Variants in RGPD1 observed in about 807,000 individuals in gnomAD.
RGPD1 encodes the protein RANBP2-like and GRIP domain-containing protein 1.
RGPD1 carries 7 observed loss-of-function variants against 40.6 expected under a neutral mutation model. The observed-to-expected ratio is 0.17, with a 90% confidence interval of 0.10 to 0.32. The LOEUF (loss-of-function observed/expected upper bound fraction) is 0.32, where lower values mean the gene tolerates loss of function less well. Ranked by LOEUF, RGPD1 falls within the 10% of genes least tolerant of loss-of-function variation. The pLI is 1.00. For synonymous variants in RGPD1, 24 were observed against 167.0 expected (o/e 0.14, Z 6.60); for missense variants, 50 against 472.5 (o/e 0.11, Z 8.29).
intron 1 of RGPD1, among the ~76,000 whole-genome samples, chr2:86,923,033 C>CTTT (rs1196456916): frequency 6.4e-4 from 35 of 54,486 alleles, no homozygotes; most frequent in East Asian, 9.7e-4. Flanking sequence ...TGGTATATTC[C>CTTT]TTTTTTTTTT....
At chr2:86,923,033 CTTTTTT>C (rs1196456916) in intron 1 of RGPD1, among the ~76,000 whole-genome samples, 4 of 54,500 alleles carry the variant, frequency 7.3e-5, no homozygotes, top group Admixed American at 2.2e-4. Context: ...TGGTATATTC[CTTTTTT>C]TTTTTTTTTT....
intron 1 of RGPD1, among the ~76,000 whole-genome samples, chr2:86,945,260 A>T (rs1680262446): frequency 6.6e-6 from 1 of 152,202 alleles, no homozygotes; most frequent in Non-Finnish European, 1.5e-5. Context: ...CCCAAATTTA[A>T]AGTCATTTAC....
rs1677712260 is a variant in RGPD1, at chr2:86,914,888, TCGACCTGGCCGGGCGGCGGCGGAG to T, written c.72+968_72+991del. 1.1e-4 allele frequency among the ~76,000 whole-genome samples: 2 copies of T among 18,038 alleles called. 1 individual carries two copies. Among genetic ancestry groups the T allele is most frequent in the African/African-American group, 5.0e-4 (2 of 4,038 alleles). The allele number at this position is 18,038 out of a possible 152,430, so 11.8% of individuals were successfully genotyped here. On this transcript the variant is annotated intron_variant, in intron 1 of 22. Coordinates refer to the RGPD1 transcript ENST00000398193. ...GGCGGCGGCGGCGGCGGCGGCGGCC[TCGACCTGGCCGGGCGGCGGCGGAG>T]GCGGCGGCCTCGACCTGGCCGGGCG...
intron 1 of RGPD1, among the ~76,000 whole-genome samples, chr2:86,928,754 A>G (rs1678689032): frequency 6.6e-6 from 1 of 152,196 alleles, no homozygotes; most frequent in African/African-American, 2.4e-5. Context: ...TTCATGAGGT[A>G]TTTCTTAGCA....
At chr2:86,942,737 C>G (rs1679971292) in intron 1 of RGPD1, among the ~76,000 whole-genome samples, 1 of 150,474 alleles carries the variant, frequency 6.6e-6, no homozygotes, top group Non-Finnish European at 1.5e-5. Context: ...GCTCAGGCGT[C>G]ATGGCTCCTG....
upstream of RGPD1, among the ~76,000 whole-genome samples, chr2:86,939,304 G>A (rs1441904700): frequency 1.4e-5 from 2 of 146,608 alleles, no homozygotes; most frequent in African/African-American, 2.6e-5. Context: ...TGCTGGGCAC[G>A]GTGGATGCCG....
chr2:86,914,222 G>A, intron 1 of RGPD1, among the ~76,000 whole-genome samples: 1 of 105,322 alleles, frequency 9.5e-6, no homozygotes, highest in Admixed American at 8.9e-5. Context: ...GGCGGCGGCG[G>A]CCTCGGCCTG....
At chr2:86,941,702 G>A (rs529975715), upstream of RGPD1, among the ~76,000 whole-genome samples, 1 of 148,848 alleles carries the variant, frequency 6.7e-6, no homozygotes, top group South Asian at 2.1e-4. Context: ...ACTGACTGCG[G>A]GATTTGAGAA....
At chr2:86,914,949 G>C (rs1224661366) in intron 1 of RGPD1, among the ~76,000 whole-genome samples, 35 of 141,744 alleles carry the variant, frequency 2.5e-4, no homozygotes, top group African/African-American at 8.7e-4. Flanking sequence ...CGGCGGCGGC[G>C]GCGGCCTGGC....
chr2:86,941,319 C>G (rs1291331614), upstream of RGPD1, among the ~76,000 whole-genome samples: 3 of 148,706 alleles, frequency 2.0e-5, no homozygotes, highest in East Asian at 2.0e-4. Flanking sequence ...TACATTATTA[C>G]TGTTAAATTT....
chr2:86,944,005 C>T (rs1022744292), intron 1 of RGPD1, among the ~76,000 whole-genome samples: 1 of 150,900 alleles, frequency 6.6e-6, no homozygotes, highest in Admixed American at 6.6e-5. Flanking sequence ...CAGAGGGAGA[C>T]TCCAAAAAAA....
chr2:86,918,454 T>C (rs1456933708), intron 1 of RGPD1, among the ~76,000 whole-genome samples: 562 of 38,180 alleles, frequency 0.015, 4 homozygotes, highest in African/African-American at 0.044. Flanking sequence ...ACACCAAATC[T>C]TTTTTTTTTT....
chr2:87,007,190 T>TTG (rs1682079859), intron 22 of RGPD1, among the ~76,000 whole-genome samples: 2 of 70,228 alleles, frequency 2.8e-5, no homozygotes, highest in Admixed American at 1.7e-4. Flanking sequence ...TTAATTTGTT[T>TTG]TTGTTGTTGT....
chr2:86,926,102 TATATA>T, intron 1 of RGPD1, among the ~76,000 whole-genome samples: 1 of 152,304 alleles, frequency 6.6e-6, no homozygotes, highest in East Asian at 1.9e-4. Flanking sequence ...TCTTTAGAAA[TATATA>T]ATAGACATAG....
At chr2:86,929,584 C>T (rs1196559771) in intron 1 of RGPD1, among the ~76,000 whole-genome samples, 10 of 147,714 alleles carry the variant, frequency 6.8e-5, no homozygotes, top group African/African-American at 1.0e-4. Context: ...TATTATTAGG[C>T]GCCCTTTCTA....
At position 87,000,680 on chromosome 2, in the gene RGPD1, G is replaced by A. The variant is rs1224450521; in HGVS notation, c.5236+2922G>A. On this transcript the variant is annotated intron_variant, in intron 22 of 22. Transcript: ENST00000641458. ...AGAGAGAGAATGTAAGGCCTGGCAC[G>A]GTGGCTCACACCTGTAATCCAGCAC... Among the ~76,000 whole-genome samples the A allele has an allele frequency of 3.0e-5, 2 of 67,330 alleles. 1 individual carries two copies. Among genetic ancestry groups the A allele is most frequent in the Non-Finnish European group, 5.6e-5 (2 of 35,670 alleles). The allele number at this position is 67,330 out of a possible 152,430, so 44.2% of individuals were successfully genotyped here.
chr2:86,923,220 G>A (rs1044573469), intron 1 of RGPD1, among the ~76,000 whole-genome samples: 1 of 150,304 alleles, frequency 6.7e-6, no homozygotes, highest in Non-Finnish European at 1.5e-5. Flanking sequence ...TGTAGTTTTG[G>A]TAGAGACAGG....
At chr2:86,925,768 G>A (rs6730422) in intron 1 of RGPD1, among the ~76,000 whole-genome samples, 49,381 of 147,612 alleles carry the variant, frequency 0.33, 7,081 homozygotes, top group East Asian at 0.4. Flanking sequence ...ATAGAGTCTC[G>A]CTGTATGCCT....
Position 87,013,459 on chromosome 2 carries a change from T to C in RGPD1, c.*912T>C. 1 of 158,456 alleles carries C rather than the reference T, an allele frequency of 6.3e-6. No individual in the cohort carries two copies. The highest frequency in any genetic ancestry group is 1.2e-5 in the Non-Finnish European group (1 of 81,602). The allele number at this position is 158,456 out of a possible 1,614,324, so 9.8% of individuals were successfully genotyped here. A position where few individuals can be genotyped will look rare whatever the true frequency, so the allele number is the denominator to read the frequency against. The stretch of plus-strand genomic sequence containing the variant: ...TTACAGGAAATATTCAAGTAAACAA[T>C]ATAAAATGAGATCACTTGATGATAC... On this transcript the variant is annotated 3_prime_UTR_variant, in exon 23 of 23. Coordinates refer to ENST00000641458, the MANE Select transcript of RGPD1 (RefSeq NM_001382344.1).
Sources: gnomAD v4.1 joint callset for allele counts (sites outside exome capture counted in the v4.1 genomes callset) on GRCh38, gnomAD v4.1.1 for gene constraint, MANE v1.5 for transcripts, NCBI Gene and HGNC (gene_info 2026-07-23, HGNC 2026-07-21) for gene names.